PPP3CA: variants seen among roughly 807,000 people sequenced by gnomAD.
PPP3CA encodes CAM-PRP catalytic subunit.
A neutral mutation model predicts 66.5 loss-of-function variants in PPP3CA; 14 were observed. That is an observed-to-expected ratio of 0.21 (90% CI 0.14 to 0.33). The LOEUF is 0.33. PPP3CA is among the 10% of genes least tolerant of loss of function. The probability of loss-of-function intolerance (pLI) is 1.00; values close to 1 mark genes in which losing one functional copy is unlikely to be tolerated. For missense variants in PPP3CA, 317 were observed against 639.5 expected (o/e 0.50, Z 5.44); for synonymous variants, 232 against 226.2 (o/e 1.03, Z -0.23).
intron 11 of PPP3CA, among the ~76,000 whole-genome samples, chr4:101,037,398 T>G (rs866537676): frequency 6.6e-6 from 1 of 152,186 alleles, no homozygotes; most frequent in Admixed American, 6.5e-5. Context: ...CCTTATAAGG[T>G]TGCACATTTC....
chr4:101,295,225 C>T (rs868621352), intron 1 of PPP3CA, among the ~76,000 whole-genome samples: 3 of 144,598 alleles, frequency 2.1e-5, no homozygotes, highest in African/African-American at 5.1e-5. Flanking sequence ...GGCGTGAACC[C>T]GGGAAGCGGA....
At chr4:101,052,841 A>T (rs10014711) in intron 10 of PPP3CA, among the ~76,000 whole-genome samples, 9,637 of 152,000 alleles carry the variant, frequency 0.063, 350 homozygotes, top group African/African-American at 0.093. Flanking sequence ...ATAAAAGTTT[A>T]TTTTTTGGCT....
chr4:101,308,708 G>A (rs952483153), intron 1 of PPP3CA, among the ~76,000 whole-genome samples: 1 of 152,022 alleles, frequency 6.6e-6, no homozygotes, highest in African/African-American at 2.4e-5. Flanking sequence ...GTGCAGGTGT[G>A]AACCACCACA....
chr4:101,035,612 T>C (rs900346901), intron 11 of PPP3CA, among the ~76,000 whole-genome samples: 1 of 152,180 alleles, frequency 6.6e-6, no homozygotes, highest in African/African-American at 2.4e-5. Context: ...GATTAAATGA[T>C]ACACTGTTAC....
chr4:101,244,977 C>A (rs1212491789), intron 1 of PPP3CA, among the ~76,000 whole-genome samples: 1 of 152,074 alleles, frequency 6.6e-6, no homozygotes, highest in Non-Finnish European at 1.5e-5. Flanking sequence ...AAAGAAAAAT[C>A]GACTCTGCCT....
At chr4:101,068,089 G>T (rs1332997681) in intron 8 of PPP3CA, among the ~76,000 whole-genome samples, 1 of 152,060 alleles carries the variant, frequency 6.6e-6, no homozygotes. Flanking sequence ...TTTTATTCCT[G>T]TTCTCACCCT....
intron 1 of PPP3CA, among the ~76,000 whole-genome samples, chr4:101,344,080 A>G (rs1220619758): frequency 6.6e-6 from 1 of 152,184 alleles, no homozygotes; most frequent in Non-Finnish European, 1.5e-5. Flanking sequence ...ATACTTCCTC[A>G]AAGATAATTT....
intron 2 of PPP3CA, among the ~76,000 whole-genome samples, chr4:101,186,467 T>C (rs1030047368): frequency 6.6e-5 from 10 of 152,128 alleles, no homozygotes; most frequent in African/African-American, 2.2e-4. Context: ...TCATCAAATA[T>C]AAAGAAATTA....
intron 1 of PPP3CA, among the ~76,000 whole-genome samples, chr4:101,209,306 T>G (rs1481887664): frequency 3.9e-5 from 6 of 152,186 alleles, no homozygotes; most frequent in African/African-American, 1.4e-4. Flanking sequence ...AAATCCTAAA[T>G]AGCATGTGAG....
intron 5 of PPP3CA, among the ~76,000 whole-genome samples, chr4:101,095,064 A>C (rs1040857935): frequency 3.3e-5 from 5 of 152,090 alleles, no homozygotes; most frequent in Admixed American, 6.6e-5. Context: ...GAATGAGGCA[A>C]TATTTTATGT....
chr4:101,101,911 C>T (rs1730461113), intron 3 of PPP3CA, among the ~76,000 whole-genome samples: 1 of 152,116 alleles, frequency 6.6e-6, no homozygotes, highest in Admixed American at 6.5e-5. Context: ...CTTTGTAACC[C>T]CACTCAAATA....
intron 1 of PPP3CA, among the ~76,000 whole-genome samples, chr4:101,341,199 T>C (rs893078609): frequency 1.2e-3 from 63 of 52,824 alleles, no homozygotes; most frequent in African/African-American, 7.7e-3. Context: ...ATTTTCTTTT[T>C]TTCTTTTTCT....
chr4:101,045,058 C>T (rs1044253518), intron 10 of PPP3CA, among the ~76,000 whole-genome samples: 2 of 152,244 alleles, frequency 1.3e-5, no homozygotes, highest in Non-Finnish European at 2.9e-5. Flanking sequence ...TGTGGAGCTA[C>T]TACTGTGAAT....
At chr4:101,104,520 G>A (rs1307615994) in intron 3 of PPP3CA, among the ~76,000 whole-genome samples, 1 of 151,832 alleles carries the variant, frequency 6.6e-6, no homozygotes, top group Non-Finnish European at 1.5e-5. Context: ...CCTGGGGTTA[G>A]TGGAAGAACA....
intron 2 of PPP3CA, among the ~76,000 whole-genome samples, chr4:101,114,985 G>A (rs977002080): frequency 2.0e-5 from 3 of 152,052 alleles, no homozygotes; most frequent in Non-Finnish European, 4.4e-5. Flanking sequence ...GTGTGTCTAT[G>A]TGTGTGTATA....
intron 2 of PPP3CA, among the ~76,000 whole-genome samples, chr4:101,163,125 T>C (rs538905041): frequency 6.6e-5 from 10 of 152,270 alleles, no homozygotes; most frequent in Non-Finnish European, 1.3e-4. Context: ...CCAATTCTAG[T>C]CACCAGTTTA....
chr4:101,216,833 G>A (rs1245569359), intron 1 of PPP3CA, among the ~76,000 whole-genome samples: 1 of 152,078 alleles, frequency 6.6e-6, no homozygotes, highest in African/African-American at 2.4e-5. Flanking sequence ...TTACAGGCGT[G>A]AGCCACCATA....
chr4:101,283,401 AAT>A (rs1727745942), intron 1 of PPP3CA, among the ~76,000 whole-genome samples: 1 of 152,162 alleles, frequency 6.6e-6, no homozygotes, highest in African/African-American at 2.4e-5. Context: ...CCTTCTACAC[AAT>A]GTTATAAATC....
intron 2 of PPP3CA, among the ~76,000 whole-genome samples, chr4:101,143,312 A>G (rs1333524722): frequency 6.6e-6 from 1 of 151,992 alleles, no homozygotes; most frequent in Non-Finnish European, 1.5e-5. Flanking sequence ...CCTTTCTTCT[A>G]TTTCTAACTT....
Sources: allele counts gnomAD v4.1 joint callset (sites outside exome capture counted in the v4.1 genomes callset), GRCh38; gene constraint gnomAD v4.1.1; transcripts MANE v1.5; gene names NCBI Gene and HGNC (gene_info 2026-07-23, HGNC 2026-07-21).